The following CLIC2 variants were observed in gnomAD, a reference collection of about 807,000 sequenced individuals.
The protein encoded by CLIC2 is chloride intracellular channel protein 2.
In CLIC2, 9 loss-of-function variants were observed where a neutral mutation model predicts 14.8. The ratio of observed to expected loss-of-function variants is 0.61; its 90% CI spans 0.37 to 1.06. The LOEUF is 1.06. Among genes scored for constraint, CLIC2 ranks in the 50% least tolerant of loss-of-function variants. The pLI is 0.01. For missense variants in CLIC2, 148 were observed against 181.4 expected (o/e 0.82, Z 1.06); for synonymous variants, 61 against 66.3 (o/e 0.92, Z 0.39).
intron 1 of CLIC2, among the ~76,000 whole-genome samples, chrX:155,328,308 T>G (rs997717206): frequency 3.6e-5 from 4 of 111,351 alleles, no homozygotes; most frequent in Non-Finnish European, 7.6e-5. Context: ...TTCAGTAAAG[T>G]TGCAGGTTAC....
At chrX:155,315,015 G>A (rs2075089965) in intron 1 of CLIC2, among the ~76,000 whole-genome samples, 2 of 111,532 alleles carry the variant, frequency 1.8e-5, no homozygotes, top group Admixed American at 1.9e-4. Flanking sequence ...AGAGCTTGAA[G>A]ATAAGGCTTT....
chrX:155,322,865 A>C (rs2075121770), intron 1 of CLIC2, among the ~76,000 whole-genome samples: 1 of 112,281 alleles, frequency 8.9e-6, no homozygotes, highest in Admixed American at 9.4e-5. Flanking sequence ...AAAAATGATA[A>C]AGGGGATATC....
intron 1 of CLIC2, among the ~76,000 whole-genome samples, chrX:155,316,360 T>A (rs1557321084): frequency 8.9e-6 from 1 of 111,993 alleles, no homozygotes; most frequent in Non-Finnish European, 1.9e-5. Context: ...GACCACATGA[T>A]AAGGCACAAA....
intron 3 of CLIC2, among the ~76,000 whole-genome samples, chrX:155,294,790 T>C (rs187729966): frequency 2.2e-4 from 25 of 111,704 alleles, no homozygotes; most frequent in African/African-American, 7.8e-4. Flanking sequence ...AATGGATAAG[T>C]TCCAGGAAAC....
chrX:155,286,736 A>G (rs2074944329), intron 3 of CLIC2, among the ~76,000 whole-genome samples: 2 of 112,676 alleles, frequency 1.8e-5, no homozygotes, highest in Middle Eastern at 4.6e-3. Flanking sequence ...TCCAATGATC[A>G]CTAATGAGCT....
At chrX:155,323,233 G>A (rs1602960668) in intron 1 of CLIC2, among the ~76,000 whole-genome samples, 1 of 111,419 alleles carries the variant, frequency 9.0e-6, no homozygotes, top group Admixed American at 9.5e-5. Flanking sequence ...CACACAAAAA[G>A]AAAATTTCAC....
chrX:155,295,289 C>T (rs1557318222), intron 3 of CLIC2, among the ~76,000 whole-genome samples: 1 of 111,244 alleles, frequency 9.0e-6, no homozygotes, highest in East Asian at 2.8e-4. Flanking sequence ...TCAATAGATA[C>T]AGAAAAAGCA....
chrX:155,297,085 TAAAG>T (rs1318608643), intron 3 of CLIC2, among the ~76,000 whole-genome samples: 1 of 111,754 alleles, frequency 8.9e-6, no homozygotes, highest in Non-Finnish European at 1.9e-5. Flanking sequence ...GATAAATGGA[TAAAG>T]AAAGTGTGGT....
At chrX:155,307,596 C>A (rs1261722866) in intron 1 of CLIC2, among the ~76,000 whole-genome samples, 2 of 111,993 alleles carry the variant, frequency 1.8e-5, no homozygotes, top group Non-Finnish European at 1.9e-5. Flanking sequence ...TAAAAATGGG[C>A]AAGAGACGCC....
At chrX:155,300,034 C>T (rs1395123841) in intron 1 of CLIC2, among the ~76,000 whole-genome samples, 2 of 109,036 alleles carry the variant, frequency 1.8e-5, no homozygotes, top group East Asian at 2.9e-4. Flanking sequence ...CCGCAATAAA[C>T]ATACGTGTGC....
chrX:155,326,972 T>A lies in CLIC2; in HGVS notation c.57+7399A>T, dbSNP rs149028161. ...TGGCTTTAAAAGGGCAACACGGATCTGTGTAGTGATGAAAATCTTCTGTAT... is the reference window on the plus strand; with the variant it reads ...TGGCTTTAAAAGGGCAACACGGATCAGTGTAGTGATGAAAATCTTCTGTAT... On this transcript the variant is annotated intron_variant, in intron 1 of 5. Coordinates refer to ENST00000369449, the MANE Select transcript of CLIC2 (RefSeq NM_001289.6). 2.5e-3 allele frequency among the ~76,000 whole-genome samples: 278 copies of A among 111,740 alleles called. 2 individuals carry two copies. Among genetic ancestry groups the A allele is most frequent in the Admixed American group, 0.022 (229 of 10,484 alleles).
At chrX:155,299,924 G>A (rs2075009480) in intron 1 of CLIC2, among the ~76,000 whole-genome samples, 1 of 110,213 alleles carries the variant, frequency 9.1e-6, no homozygotes, top group Admixed American at 9.7e-5. Flanking sequence ...TTCTATGGCT[G>A]CATAGTATTC....
intron 1 of CLIC2, chrX:155,309,721 A>G (rs2075067481): frequency 7.9e-6 from 1 of 126,814 alleles, no homozygotes; most frequent in South Asian, 2.2e-4. Context: ...CCATGAGAAC[A>G]GTATGGGGGA....
rs183733152 is a variant in CLIC2, at chrX:155,281,175, A to T, written c.294-1107T>A. On this transcript the variant is annotated intron_variant, in intron 3 of 5. Transcript: ENST00000369449. Reference sequence around the variant, plus strand: ...GTGGCATCTTTAAGAGGTCAAATATATAGAAAAAAGAATAGAGCAGTGATT... The same window carrying T: ...GTGGCATCTTTAAGAGGTCAAATATTTAGAAAAAAGAATAGAGCAGTGATT... 3.9e-3 allele frequency among the ~76,000 whole-genome samples: 425 copies of T among 109,031 alleles called. 4 individuals are homozygous for T. The highest frequency in any genetic ancestry group is 0.013 in the African/African-American group (405 of 30,044). 94.7% of individuals were successfully genotyped at this position (109,031 alleles called of 115,157 possible).
intron 1 of CLIC2, among the ~76,000 whole-genome samples, chrX:155,319,132 T>C (rs2075104612): frequency 8.9e-6 from 1 of 111,969 alleles, no homozygotes; most frequent in African/African-American, 3.2e-5. Context: ...GGAAAATCTC[T>C]TCTAGACATT....
chrX:155,304,347 A>G (rs2075036653), intron 1 of CLIC2, among the ~76,000 whole-genome samples: 1 of 99,608 alleles, frequency 1.0e-5, no homozygotes. Context: ...TCCATTGCTG[A>G]TACCCTTTCT....
At chrX:155,311,942 A>G (rs1470121062) in intron 1 of CLIC2, among the ~76,000 whole-genome samples, 1 of 111,584 alleles carries the variant, frequency 9.0e-6, no homozygotes, top group East Asian at 2.8e-4. Flanking sequence ...TGATTCAATT[A>G]TCTCCCACTG....
intron 1 of CLIC2, among the ~76,000 whole-genome samples, chrX:155,304,987 G>C (rs1388180170): frequency 9.1e-6 from 1 of 109,471 alleles, no homozygotes; most frequent in Non-Finnish European, 1.9e-5. Flanking sequence ...CTTCAAAGCT[G>C]TCAGACAGGG....
At chrX:155,307,380 C>A (rs1322480874) in intron 1 of CLIC2, among the ~76,000 whole-genome samples, 1 of 110,629 alleles carries the variant, frequency 9.0e-6, no homozygotes, top group Non-Finnish European at 1.9e-5. Flanking sequence ...TAGGCTTGAG[C>A]ATGGCATGTA....
Sources: allele counts gnomAD v4.1 joint callset (sites outside exome capture counted in the v4.1 genomes callset), GRCh38; gene constraint gnomAD v4.1.1; transcripts MANE v1.5; gene names NCBI Gene and HGNC (gene_info 2026-07-23, HGNC 2026-07-21).